Variants in SEPTIN14 observed in about 807,000 individuals in gnomAD.
SEPTIN14 encodes septin 14.
In SEPTIN14, 40 loss-of-function variants were observed where a neutral mutation model predicts 53.6. The observed-to-expected ratio is 0.75, with a 90% CI of 0.58 to 0.97. SEPTIN14 has a LOEUF of 0.97. SEPTIN14 is among the 50% of genes least tolerant of loss of function. The pLI is 0.00. For missense variants in SEPTIN14, 471 were observed against 508.2 expected, an observed-to-expected ratio of 0.93 and a Z score of 0.70; for synonymous variants, 138 against 166.8, an observed-to-expected ratio of 0.83 and a Z score of 1.33.
chr7:55,805,240 C>A lies in SEPTIN14; in HGVS notation c.1119+18G>T. Reference sequence around the variant, plus strand: ...ACCTAAAAATTAATACAAATTATATCAAACTGTCAGTACTAACCTCTTTTT... The same window carrying A: ...ACCTAAAAATTAATACAAATTATATAAAACTGTCAGTACTAACCTCTTTTT... On this transcript the variant is annotated intron_variant, in intron 9 of 9. Transcript: ENST00000388975. 1.9e-6 allele frequency: 3 copies of A among 1,598,868 alleles called. No individual in the cohort carries two copies. In the South Asian group the frequency reaches 3.4e-5, roughly 18 times the overall value.
In SEPTIN14 at chr7:55,795,462, C is replaced by CCTTTTT; in HGVS notation, c.*450_*451insAAAAAG. The CCTTTTT allele has an allele frequency of 8.5e-6, 1 of 117,884 alleles. No individual in the cohort carries two copies. The highest frequency in any genetic ancestry group is 1.7e-5 in the Non-Finnish European group (1 of 58,912). The allele number at this position is 117,884 out of a possible 1,614,324, so 7.3% of individuals were successfully genotyped here. On this transcript the variant is annotated 3_prime_UTR_variant, in exon 10 of 10. Coordinates refer to ENST00000388975, the MANE Select transcript of SEPTIN14 (RefSeq NM_207366.3). Reference sequence around the variant, plus strand: ...AGGATCTGCCTTCTGGGAGTTCATACTTTTTTTTTTTTTTTTTTTTTTGAG... The same window carrying CCTTTTT: ...AGGATCTGCCTTCTGGGAGTTCATACCTTTTTTTTTTTTTTTTTTTTTTTTTTTGAG...
intron 2 of SEPTIN14, among the ~76,000 whole-genome samples, chr7:55,854,530 C>A (rs554399475): frequency 1.3e-5 from 2 of 151,844 alleles, no homozygotes; most frequent in African/African-American, 2.4e-5. Flanking sequence ...CCCGGGTTCA[C>A]GCTATTCTCC....
intron 7 of SEPTIN14, among the ~76,000 whole-genome samples, chr7:55,810,537 C>T (rs1410792485): frequency 6.1e-5 from 9 of 146,692 alleles, no homozygotes; most frequent in Admixed American, 4.8e-4. Flanking sequence ...TTCAATGGCA[C>T]GATCTTGGCT....
At chr7:55,857,893 G>A (rs953949015) in intron 2 of SEPTIN14, among the ~76,000 whole-genome samples, 2 of 152,114 alleles carry the variant, frequency 1.3e-5, no homozygotes, top group African/African-American at 4.8e-5. Flanking sequence ...GGCCACCTGT[G>A]TCTTTTTTGT....
At chr7:55,801,756 C>A (rs1369975343) in intron 9 of SEPTIN14, among the ~76,000 whole-genome samples, 1 of 151,580 alleles carries the variant, frequency 6.6e-6, no homozygotes, top group Non-Finnish European at 1.5e-5. Context: ...CCCATCTCTA[C>A]TAAAAGTACA....
chr7:55,833,783 CCTTA>C (rs1427277795), intron 6 of SEPTIN14, among the ~76,000 whole-genome samples: 2 of 151,792 alleles, frequency 1.3e-5, no homozygotes, highest in South Asian at 2.1e-4. Flanking sequence ...AAATCAAAGC[CCTTA>C]CTTAGACTAA....
chr7:55,801,079 A>T (rs1307361743), intron 9 of SEPTIN14, among the ~76,000 whole-genome samples: 1 of 152,152 alleles, frequency 6.6e-6, no homozygotes, highest in Non-Finnish European at 1.5e-5. Flanking sequence ...AGTGAAGTTT[A>T]TTGCAATAAA....
chr7:55,857,238 G>A (rs1171514920), intron 2 of SEPTIN14, among the ~76,000 whole-genome samples: 2 of 151,002 alleles, frequency 1.3e-5, no homozygotes, highest in East Asian at 4.0e-4. Flanking sequence ...CAGGTGTGGT[G>A]GCGCATGCCT....
At chr7:55,816,559 G>A (rs1249226951) in intron 7 of SEPTIN14, among the ~76,000 whole-genome samples, 3 of 151,740 alleles carry the variant, frequency 2.0e-5, no homozygotes, top group African/African-American at 7.3e-5. Context: ...CATTTTGGGA[G>A]GCTGAGGCAG....
chr7:55,827,181 G>A (rs1053669207), intron 6 of SEPTIN14, among the ~76,000 whole-genome samples: 1 of 152,188 alleles, frequency 6.6e-6, no homozygotes, highest in Non-Finnish European at 1.5e-5. Flanking sequence ...TGGAGACTAA[G>A]GCTGTGCTGA....
intron 2 of SEPTIN14, among the ~76,000 whole-genome samples, chr7:55,859,075 TG>T (rs1789697990): frequency 6.7e-6 from 1 of 149,962 alleles, no homozygotes; most frequent in South Asian, 2.1e-4. Flanking sequence ...TGCTTGAACC[TG>T]GGAGGTGGAG....
rs188657427 is a variant in SEPTIN14 at position 55,859,837 on chromosome 7, T to C, written c.54+2106A>G. ...AGCAAAAATATGGAATCAACCTAAG[T>C]GTCCATCAACAGACATATGGATTAA... On this transcript the variant is annotated intron_variant, in intron 2 of 9. Coordinates refer to ENST00000388975, the MANE Select transcript of SEPTIN14 (RefSeq NM_207366.3). 1.1e-4 allele frequency among the ~76,000 whole-genome samples: 17 copies of C among 152,312 alleles called. No homozygotes were observed. In the East Asian group the frequency reaches 3.3e-3, roughly 29 times the overall value.
At chr7:55,833,357 C>G (rs775246988) in intron 6 of SEPTIN14, among the ~76,000 whole-genome samples, 4 of 151,320 alleles carry the variant, frequency 2.6e-5, no homozygotes, top group Admixed American at 1.3e-4. Context: ...TTTACACACA[C>G]ACAAACACAC....
At chr7:55,848,041 A>G (rs1474954070) in intron 2 of SEPTIN14, among the ~76,000 whole-genome samples, 1 of 152,210 alleles carries the variant, frequency 6.6e-6, no homozygotes, top group Non-Finnish European at 1.5e-5. Context: ...CTTTTTATTT[A>G]AATTAACCCG....
chr7:55,819,306 A>G, intron 6 of SEPTIN14, 83 bp from the exon 7 acceptor site: 2 of 1,066,538 alleles, frequency 1.9e-6, no homozygotes, highest in Non-Finnish European at 2.8e-6. Flanking sequence ...TATAAAAATG[A>G]CAGGCCAGCG....
intron 9 of SEPTIN14, among the ~76,000 whole-genome samples, chr7:55,803,645 C>G (rs7812216): frequency 1.2e-3 from 185 of 151,946 alleles, no homozygotes; most frequent in African/African-American, 4.4e-3. Flanking sequence ...TGACAATAAT[C>G]AAGACATGTA....
chr7:55,817,169 C>T (rs972581697), intron 7 of SEPTIN14, among the ~76,000 whole-genome samples: 1 of 152,192 alleles, frequency 6.6e-6, no homozygotes, highest in Non-Finnish European at 1.5e-5. Flanking sequence ...CAATGGAATT[C>T]AGCCTTAAAA....
In SEPTIN14 at chr7:55,842,964, G is replaced by T; in HGVS notation, c.536C>A (p.Thr179Lys). The T allele has an allele frequency of 6.5e-7, 1 of 1,528,190 alleles. No homozygotes were observed. Among genetic ancestry groups the T allele is most frequent in the Non-Finnish European group, 8.8e-7 (1 of 1,141,778 alleles). 94.7% of individuals were successfully genotyped at this position (1,528,190 alleles called of 1,614,324 possible). Residue 179 changes from threonine (T) to lysine (K), a missense_variant, in exon 5 of 10, where the codon ACA becomes AAA. By Grantham distance (78) the Thr-to-Lys change is moderately conservative. Coordinates refer to ENST00000388975, the MANE Select transcript of SEPTIN14 (RefSeq NM_207366.3). ...GHSLKSLDLL[T>K]MKNLDSKVNI... The stretch of plus-strand genomic sequence containing the variant: ...TACCTTACTGTCAAGGTTCTTCATT[G>T]TTAATAGATCAAGAGACTTCAGGGA...
chr7:55,831,803 T>C (rs6593284), intron 6 of SEPTIN14, among the ~76,000 whole-genome samples: 117,401 of 152,176 alleles, frequency 0.77, 46,223 homozygotes, highest in East Asian at 0.96. Context: ...TAAAAAAGAC[T>C]GCAAAGGATA....
Sources: allele counts gnomAD v4.1 joint callset (sites outside exome capture counted in the v4.1 genomes callset), GRCh38; gene constraint gnomAD v4.1.1; transcripts MANE v1.5; gene names NCBI Gene and HGNC (gene_info 2026-07-23, HGNC 2026-07-21).